C1QTNF5: variants seen among roughly 807,000 people sequenced by gnomAD.
C1QTNF5 encodes complement C1q tumor necrosis factor-related protein 5.
C1QTNF5 carries 5 observed loss-of-function variants against 10.9 expected under a neutral mutation model. The observed-to-expected ratio is 0.46, with a 90% CI of 0.24 to 0.97. C1QTNF5 has a LOEUF of 0.97. C1QTNF5 is among the 50% of genes least tolerant of loss of function. The pLI is 0.19. For missense variants in C1QTNF5, 281 were observed against 339.4 expected, an observed-to-expected ratio of 0.83 and a Z score of 1.35; for synonymous variants, 161 against 156.5, an observed-to-expected ratio of 1.03 and a Z score of -0.22.
chr11:119,342,078 G>A (rs1950508611), upstream of C1QTNF5: 5 of 1,474,692 alleles, frequency 3.4e-6, no homozygotes, highest in Non-Finnish European at 4.7e-6. Flanking sequence ...GTGTGTACAT[G>A]GGTCCAATGG....
chr11:119,339,828 C>T lies in C1QTNF5; in HGVS notation c.235G>A (p.Asp79Asn), dbSNP rs1431756047. 2 of 1,509,398 alleles carry T rather than the reference C, an allele frequency of 1.3e-6. No homozygotes were observed. The highest frequency in any genetic ancestry group is 2.5e-5 in the South Asian group (2 of 79,568). The allele number at this position is 1,509,398 out of a possible 1,614,324, so 93.5% of individuals were successfully genotyped here. ...CCCGCCTCTCCTCGCGGCCCGGGGT[C>T]CCCTCGAGGTCCCGGCAGTCCTGCG... ...GRPGLPGPRG[D>N]PGPRGEAGPA... Residue 79 changes from aspartate to asparagine, a missense_variant, in exon 3 of 3, where the codon GAC becomes AAC. Coordinates refer to ENST00000528368, the MANE Select transcript of C1QTNF5 (RefSeq NM_001278431.2). The surrounding 1 kb of genome is among the most constrained non-coding windows in gnomAD (Gnocchi z 5.4).
chr11:119,341,623 T>C, upstream of C1QTNF5: 1 of 1,612,956 alleles, frequency 6.2e-7, no homozygotes, highest in Non-Finnish European at 8.5e-7. Context: ...GGGTGCCCAG[T>C]AGTGCCAGGC....
At chr11:119,346,008 T>C in the C1QTNF5 span, 107 of 1,612,644 alleles carry the variant, frequency 6.6e-5, no homozygotes, top group Non-Finnish European at 9.0e-5. Context: ...GGAGTTTCAT[T>C]CCAAAGCCCT....
chr11:119,339,123 G>T lies in C1QTNF5; in HGVS notation c.*208C>A, dbSNP rs1950469184. 3 of 617,352 alleles carry T rather than the reference G, an allele frequency of 4.9e-6. No homozygotes were observed. The allele number at this position is 617,352 out of a possible 1,614,324, so 38.2% of individuals were successfully genotyped here. A position where few individuals can be genotyped will look rare whatever the true frequency, so the allele number is the denominator to read the frequency against. ...CAGCACACTCCTCTGGTCTTGGGCAGAAATCCAGCCACTGCCCCATGCTGC... is the reference window on the plus strand; with the variant it reads ...CAGCACACTCCTCTGGTCTTGGGCATAAATCCAGCCACTGCCCCATGCTGC... On this transcript the variant is annotated 3_prime_UTR_variant, in exon 3 of 3. Coordinates refer to ENST00000528368, the MANE Select transcript of C1QTNF5 (RefSeq NM_001278431.2). The surrounding 1 kb of genome is among the most constrained non-coding windows in gnomAD (Gnocchi z 5.4).
At chr11:119,344,703 T>G (rs1303910426), upstream of C1QTNF5, 2 of 1,614,004 alleles carry the variant, frequency 1.2e-6, no homozygotes, top group East Asian at 4.5e-5. Context: ...ACACACTGAG[T>G]CAGGTAGCAG....
upstream of C1QTNF5, chr11:119,344,205 A>G: frequency 1.7e-6 from 2 of 1,146,234 alleles, no homozygotes; most frequent in Non-Finnish European, 2.6e-6. Flanking sequence ...TTGATCTCTG[A>G]CCTTCCCAAG....
At chr11:119,343,747 C>G, upstream of C1QTNF5, 3 of 1,592,058 alleles carry the variant, frequency 1.9e-6, no homozygotes, top group Non-Finnish European at 2.6e-6. Context: ...TGTGCTGGGC[C>G]GACATGGAAG....
upstream of C1QTNF5, chr11:119,343,129 G>T: frequency 1.6e-6 from 2 of 1,217,710 alleles, no homozygotes; most frequent in Non-Finnish European, 2.3e-6. Flanking sequence ...AAGACACAGG[G>T]TTAGGGTCTG....
upstream of C1QTNF5, chr11:119,342,710 C>T: frequency 6.2e-7 from 1 of 1,613,464 alleles, no homozygotes; most frequent in South Asian, 1.1e-5. Flanking sequence ...CAGGAGAGCT[C>T]ACTGGGCCCA....
chr11:119,345,914 G>A (rs776835313), upstream of C1QTNF5: 10 of 1,613,700 alleles, frequency 6.2e-6, no homozygotes, highest in Admixed American at 1.7e-5. Flanking sequence ...CCAGATGGGG[G>A]TGCAGCCTGC....
upstream of C1QTNF5, chr11:119,343,981 G>C: frequency 6.2e-7 from 1 of 1,610,978 alleles, no homozygotes; most frequent in Non-Finnish European, 8.5e-7. Context: ...GAGGGCATAG[G>C]TGGAGCAATT....
At chr11:119,344,615 C>G, upstream of C1QTNF5, 1 of 1,613,964 alleles carries the variant, frequency 6.2e-7, no homozygotes, top group South Asian at 1.1e-5. Flanking sequence ...GAGAGGACCC[C>G]CATGCCTGGC....
At chr11:119,346,301 G>T in the C1QTNF5 span, 3 of 1,613,756 alleles carry the variant, frequency 1.9e-6, no homozygotes, top group Non-Finnish European at 1.7e-6. Flanking sequence ...GCTGTAGCTG[G>T]CATCCTCTGG....
the C1QTNF5 span, chr11:119,346,496 A>G: frequency 1.9e-6 from 3 of 1,614,128 alleles, no homozygotes; most frequent in Non-Finnish European, 8.5e-7. Context: ...AGAGGATGAC[A>G]TCTGAGAAGT....
chr11:119,344,302 G>C, upstream of C1QTNF5: 1 of 1,613,006 alleles, frequency 6.2e-7, no homozygotes, highest in Non-Finnish European at 8.5e-7. Flanking sequence ...TCTGCATGGA[G>C]CACTGTGCTT....
chr11:119,343,896 C>T (rs778391048), upstream of C1QTNF5: 1 of 1,613,912 alleles, frequency 6.2e-7, no homozygotes, highest in Non-Finnish European at 8.5e-7. Flanking sequence ...CCTGAGCCTC[C>T]AGGCTGAAGT....
upstream of C1QTNF5, chr11:119,341,337 A>G: frequency 1.7e-6 from 1 of 593,266 alleles, no homozygotes; most frequent in Non-Finnish European, 3.0e-6. Context: ...GGGGCCAGTC[A>G]GCAGCCTGGG....
intron 2 of C1QTNF5, 145 bp downstream of exon 2, chr11:119,340,039 C>T (rs1406202330): frequency 4.0e-6 from 5 of 1,259,368 alleles, no homozygotes; most frequent in Non-Finnish European, 5.2e-6. Context: ...GCTCCCGCCG[C>T]CTGGGCCCCT....
At chr11:119,342,957 C>T, upstream of C1QTNF5, 1 of 1,611,692 alleles carries the variant, frequency 6.2e-7, no homozygotes, top group Non-Finnish European at 8.5e-7. Context: ...ACAGCCAGCT[C>T]ATGGTGCGAG....
Sources: allele counts gnomAD v4.1 joint callset, GRCh38; gene constraint gnomAD v4.1.1; non-coding constraint Gnocchi (gnomAD v3.1); transcripts MANE v1.5; gene names NCBI Gene and HGNC (gene_info 2026-07-23, HGNC 2026-07-21).